The following RAPGEF2 variants were observed in gnomAD, a reference collection of about 807,000 sequenced individuals.
RAPGEF2 encodes the protein PDZ domain containing guanine nucleotide exchange factor (GEF) 1.
In RAPGEF2, 54 loss-of-function variants were observed where a neutral mutation model predicts 186.7. The ratio of observed to expected loss-of-function variants is 0.29; its 90% CI spans 0.23 to 0.36. The LOEUF is 0.36. Ranked by LOEUF, RAPGEF2 falls within the 10% of genes least tolerant of loss-of-function variation. The pLI, the probability that RAPGEF2 is intolerant of heterozygous loss-of-function variation, is 1.00. For synonymous variants in RAPGEF2, 712 were observed against 705.9 expected (o/e 1.01, Z -0.14); for missense variants, 1,532 against 2,045.0 (o/e 0.75, Z 4.84).
At chr4:159,204,341 G>A (rs1291017202) in intron 3 of RAPGEF2, among the ~76,000 whole-genome samples, 1 of 152,176 alleles carries the variant, frequency 6.6e-6, no homozygotes, top group Non-Finnish European at 1.5e-5. Context: ...ATGGAGAGAG[G>A]TAAACATCTT....
At chr4:159,166,563 C>T (rs948066446) in intron 1 of RAPGEF2, among the ~76,000 whole-genome samples, 1 of 152,160 alleles carries the variant, frequency 6.6e-6, no homozygotes, top group Non-Finnish European at 1.5e-5. Flanking sequence ...ACAGCCATTG[C>T]TACAGAGCTT....
chr4:159,298,387 T>C (rs1762273888), intron 7 of RAPGEF2, among the ~76,000 whole-genome samples: 3 of 152,216 alleles, frequency 2.0e-5, no homozygotes, highest in Admixed American at 2.0e-4. Context: ...CCAAAATTAC[T>C]GTGGTGAATA....
At chr4:159,214,872 G>C (rs1750853511) in intron 4 of RAPGEF2, among the ~76,000 whole-genome samples, 3 of 152,108 alleles carry the variant, frequency 2.0e-5, no homozygotes, top group South Asian at 4.1e-4. Context: ...TTTATTTTGT[G>C]GGGAGGGAGT....
At chr4:159,116,478 G>T (rs1414224296) in intron 1 of RAPGEF2, among the ~76,000 whole-genome samples, 1 of 151,640 alleles carries the variant, frequency 6.6e-6, no homozygotes, top group Non-Finnish European at 1.5e-5. Flanking sequence ...ATTTGTGGAA[G>T]TATTTTGTGG....
chr4:159,198,322 CTT>C (rs774467237), intron 3 of RAPGEF2, among the ~76,000 whole-genome samples: 20 of 56,722 alleles, frequency 3.5e-4, no homozygotes, highest in Admixed American at 7.4e-4. Flanking sequence ...TTCTTTCTTT[CTT>C]TCTTTCTTTC....
chr4:159,133,477 T>A (rs990567900), intron 1 of RAPGEF2, among the ~76,000 whole-genome samples: 1 of 152,012 alleles, frequency 6.6e-6, no homozygotes, highest in Non-Finnish European at 1.5e-5. Flanking sequence ...AGTGGTGCGA[T>A]CTCAGCTCAC....
At chr4:159,259,239 T>G (rs1473176935) in intron 7 of RAPGEF2, among the ~76,000 whole-genome samples, 2 of 152,208 alleles carry the variant, frequency 1.3e-5, no homozygotes, top group Non-Finnish European at 2.9e-5. Context: ...TATTTAAACT[T>G]AAAATGTGGC....
intron 11 of RAPGEF2, among the ~76,000 whole-genome samples, chr4:159,324,703 G>A (rs1765700154): frequency 6.6e-6 from 1 of 152,034 alleles, no homozygotes; most frequent in East Asian, 1.9e-4. Flanking sequence ...AAGAGAAATA[G>A]TATCAGTATT....
chr4:159,212,565 G>C (rs1348423235), intron 4 of RAPGEF2, among the ~76,000 whole-genome samples: 2 of 152,030 alleles, frequency 1.3e-5, no homozygotes, highest in Non-Finnish European at 2.9e-5. Flanking sequence ...AAGAATATAT[G>C]TGTTGCCTTA....
chr4:159,275,011 C>T (rs374518604), intron 7 of RAPGEF2, among the ~76,000 whole-genome samples: 2 of 151,520 alleles, frequency 1.3e-5, no homozygotes, highest in East Asian at 3.9e-4. Flanking sequence ...TAACTGAACC[C>T]CTAACATAGG....
intron 1 of RAPGEF2, among the ~76,000 whole-genome samples, chr4:159,123,004 G>A (rs1739880704): frequency 6.7e-6 from 1 of 149,298 alleles, no homozygotes; most frequent in African/African-American, 2.5e-5. Flanking sequence ...TACTGATACA[G>A]TACTGTAAAT....
chr4:159,259,613 A>G (rs1561163355), intron 7 of RAPGEF2, among the ~76,000 whole-genome samples: 1 of 152,198 alleles, frequency 6.6e-6, no homozygotes, highest in Admixed American at 6.5e-5. Flanking sequence ...ATATTATAAT[A>G]AGGAAAGCCA....
At chr4:159,309,784 G>C (rs1442125432) in intron 8 of RAPGEF2, among the ~76,000 whole-genome samples, 1 of 152,116 alleles carries the variant, frequency 6.6e-6, no homozygotes, top group African/African-American at 2.4e-5. Flanking sequence ...AAAATAGATA[G>C]ATCAATAGAA....
chr4:159,202,137 A>G (rs972251278), intron 3 of RAPGEF2, among the ~76,000 whole-genome samples: 3 of 152,076 alleles, frequency 2.0e-5, no homozygotes, highest in African/African-American at 7.2e-5. Context: ...CATTTTGCCT[A>G]TTCTTTCTCA....
intron 7 of RAPGEF2, among the ~76,000 whole-genome samples, chr4:159,265,335 C>A (rs1469334613): frequency 3.3e-5 from 5 of 152,136 alleles, no homozygotes; most frequent in Admixed American, 6.5e-5. Context: ...TAAATGAGTG[C>A]TTCAGTGAAG....
At chr4:159,136,048 A>G (rs983735904) in intron 1 of RAPGEF2, among the ~76,000 whole-genome samples, 9 of 152,250 alleles carry the variant, frequency 5.9e-5, no homozygotes, top group Admixed American at 2.0e-4. Context: ...TATTGAATCA[A>G]TACCATTAAC....
chr4:159,239,342 G>C (rs1334212519), intron 5 of RAPGEF2, among the ~76,000 whole-genome samples: 1 of 152,058 alleles, frequency 6.6e-6, no homozygotes, highest in Non-Finnish European at 1.5e-5. Flanking sequence ...TGGAACTTGT[G>C]TTCACTGTTA....
intron 1 of RAPGEF2, among the ~76,000 whole-genome samples, chr4:159,111,806 A>G (rs188578779): frequency 5.3e-5 from 8 of 152,344 alleles, no homozygotes; most frequent in African/African-American, 1.7e-4. Context: ...ATTCACATAC[A>G]ATTGTAGGAA....
chr4:159,148,739 C>CATA (rs1472220335), intron 1 of RAPGEF2, among the ~76,000 whole-genome samples: 1 of 152,046 alleles, frequency 6.6e-6, no homozygotes, highest in East Asian at 1.9e-4. Flanking sequence ...GTACAGTGTA[C>CATA]GTTTATCTGC....
Sources: gnomAD v4.1 joint callset for allele counts (sites outside exome capture counted in the v4.1 genomes callset) on GRCh38, gnomAD v4.1.1 for gene constraint, MANE v1.5 for transcripts, NCBI Gene and HGNC (gene_info 2026-07-23, HGNC 2026-07-21) for gene names.